The following ZNF892 variants were observed in gnomAD, a reference collection of about 807,000 sequenced individuals.
ZNF892 encodes the protein zinc finger protein 892.
the ZNF892 span, among the ~76,000 whole-genome samples, chr2:95,215,924 T>C: frequency 6.6e-6 from 1 of 152,194 alleles, no homozygotes; most frequent in African/African-American, 2.4e-5. Flanking sequence ...CCAGGTATTT[T>C]CATAATACTA....
At chr2:95,218,166 C>T in the ZNF892 span, among the ~76,000 whole-genome samples, 6 of 152,254 alleles carry the variant, frequency 3.9e-5, no homozygotes, top group South Asian at 6.2e-4. Flanking sequence ...GGTTGTTAAG[C>T]CACACTCTTA....
the ZNF892 span, chr2:95,215,742 T>G: frequency 2.5e-6 from 1 of 397,064 alleles, no homozygotes; most frequent in Non-Finnish European, 4.4e-6. Context: ...GGTAACATGA[T>G]TAGACTGTGA....
At chr2:95,227,324 T>A in the ZNF892 span, among the ~76,000 whole-genome samples, 13 of 152,084 alleles carry the variant, frequency 8.5e-5, no homozygotes, top group African/African-American at 2.4e-4. Flanking sequence ...TGTATTTTTT[T>A]ATTTTATTTT....
the ZNF892 span, among the ~76,000 whole-genome samples, chr2:95,220,804 TATTTA>T: frequency 6.6e-6 from 1 of 152,212 alleles, no homozygotes; most frequent in Non-Finnish European, 1.5e-5. Context: ...GAAACACCAG[TATTTA>T]ATTGTAGGTT....
chr2:95,225,214 T>A, the ZNF892 span, among the ~76,000 whole-genome samples: 1 of 152,244 alleles, frequency 6.6e-6, no homozygotes, highest in Admixed American at 6.5e-5. Context: ...AAATCTCAAA[T>A]GTGATAGTAC....
the ZNF892 span, among the ~76,000 whole-genome samples, chr2:95,220,625 C>G: frequency 6.6e-6 from 1 of 152,172 alleles, no homozygotes; most frequent in South Asian, 2.1e-4. Flanking sequence ...TGGTGCTTGA[C>G]ACTGAAATCA....
the ZNF892 span, among the ~76,000 whole-genome samples, chr2:95,245,459 G>GA: frequency 7.1e-5 from 8 of 112,284 alleles, 1 homozygote; most frequent in African/African-American, 1.8e-4. Context: ...GCGGGGGGGG[G>GA]GGGGTTTCAC....
chr2:95,229,969 T>C, the ZNF892 span, among the ~76,000 whole-genome samples: 3 of 152,204 alleles, frequency 2.0e-5, no homozygotes, highest in Non-Finnish European at 4.4e-5. Context: ...ATCTGGCTTA[T>C]GTGCAGTGGT....
the ZNF892 span, among the ~76,000 whole-genome samples, chr2:95,226,753 T>A: frequency 6.6e-6 from 1 of 152,140 alleles, no homozygotes; most frequent in South Asian, 2.1e-4. Flanking sequence ...CATCACCAAG[T>A]GTGGGGTTGC....
the ZNF892 span, among the ~76,000 whole-genome samples, chr2:95,246,999 A>G: frequency 6.6e-6 from 1 of 152,362 alleles, no homozygotes; most frequent in South Asian, 2.1e-4. Context: ...AGAATTAGAA[A>G]AAAACTATTT....
the ZNF892 span, among the ~76,000 whole-genome samples, chr2:95,262,383 C>T: frequency 6.6e-6 from 1 of 152,188 alleles, no homozygotes; most frequent in Non-Finnish European, 1.5e-5. Context: ...TGTCTTTATT[C>T]CAGGCAGCAG....
chr2:95,220,609 A>G, the ZNF892 span, among the ~76,000 whole-genome samples: 1 of 152,172 alleles, frequency 6.6e-6, no homozygotes, highest in African/African-American at 2.4e-5. Flanking sequence ...CTTTCCCGTG[A>G]CATCCTGGTG....
At chr2:95,238,433 C>T in the ZNF892 span, among the ~76,000 whole-genome samples, 1 of 152,198 alleles carries the variant, frequency 6.6e-6, no homozygotes, top group Non-Finnish European at 1.5e-5. Flanking sequence ...AAAAATGTTA[C>T]TGCTCATTGA....
At chr2:95,235,294 T>C in the ZNF892 span, among the ~76,000 whole-genome samples, 4 of 152,168 alleles carry the variant, frequency 2.6e-5, no homozygotes, top group Admixed American at 1.3e-4. Context: ...ACAGCAGTTG[T>C]AGTTTAATGC....
At chr2:95,238,179 A>C in the ZNF892 span, among the ~76,000 whole-genome samples, 1 of 152,246 alleles carries the variant, frequency 6.6e-6, no homozygotes, top group East Asian at 1.9e-4. Flanking sequence ...GAGAGAAGTC[A>C]ATGTGTGGCT....
the ZNF892 span, among the ~76,000 whole-genome samples, chr2:95,223,772 G>A: frequency 1.3e-5 from 2 of 152,184 alleles, no homozygotes; most frequent in African/African-American, 4.8e-5. Flanking sequence ...AGTGCACAGA[G>A]TTGTATGACC....
the ZNF892 span, among the ~76,000 whole-genome samples, chr2:95,208,154 A>G: frequency 9.8e-5 from 15 of 152,310 alleles, 1 homozygote; most frequent in South Asian, 3.1e-3. Flanking sequence ...GAAGGTAGGG[A>G]AAGCAGGGAT....
At chr2:95,227,435 C>T in the ZNF892 span, among the ~76,000 whole-genome samples, 1 of 151,900 alleles carries the variant, frequency 6.6e-6, no homozygotes, top group African/African-American at 2.4e-5. Context: ...GTGATTCTCC[C>T]ACCTCAGCCT....
At chr2:95,242,975 G>C in the ZNF892 span, among the ~76,000 whole-genome samples, 2 of 152,284 alleles carry the variant, frequency 1.3e-5, no homozygotes, top group East Asian at 3.9e-4. Context: ...TCAGCCTGCC[G>C]AGTGTCTGCG....
Sources: gnomAD v4.1 joint callset for allele counts (sites outside exome capture counted in the v4.1 genomes callset) on GRCh38, gnomAD v4.1.1 for gene constraint, MANE v1.5 for transcripts, NCBI Gene and HGNC (gene_info 2026-07-23, HGNC 2026-07-21) for gene names.